Variants in KIAA1328 observed in about 807,000 individuals in gnomAD.
KIAA1328 encodes KIAA1328.
KIAA1328 carries 52 observed loss-of-function variants against 68.1 expected under a neutral mutation model. The observed-to-expected ratio is 0.76, with a 90% CI of 0.61 to 0.96. The LOEUF (loss-of-function observed/expected upper bound fraction) is 0.96. KIAA1328 is among the 40% of genes least tolerant of loss of function. The pLI, the probability that KIAA1328 is intolerant of heterozygous loss-of-function variation, is 0.00. For missense variants in KIAA1328, 641 were observed against 677.6 expected, an observed-to-expected ratio of 0.95 and a Z score of 0.60; for synonymous variants, 232 against 239.4, an observed-to-expected ratio of 0.97 and a Z score of 0.28.
intron 5 of KIAA1328, among the ~76,000 whole-genome samples, chr18:36,899,739 G>A (rs186122333): frequency 4.6e-5 from 7 of 152,044 alleles, no homozygotes; most frequent in Admixed American, 6.6e-5. Flanking sequence ...TAAAGAAATA[G>A]AATAAATTGG....
At chr18:36,981,420 A>C (rs2052682212) in intron 6 of KIAA1328, among the ~76,000 whole-genome samples, 1 of 152,224 alleles carries the variant, frequency 6.6e-6, no homozygotes, top group Non-Finnish European at 1.5e-5. Flanking sequence ...CAAAGTAGGC[A>C]TGCAAAGAAT....
intron 6 of KIAA1328, among the ~76,000 whole-genome samples, chr18:36,992,451 CTTT>C (rs71168252): frequency 7.7e-6 from 1 of 130,098 alleles, no homozygotes; most frequent in South Asian, 2.3e-4. Context: ...TCTTTTCTTT[CTTT>C]TTTTTTTTTT....
chr18:37,121,505 A>G (rs976628233), intron 7 of KIAA1328, among the ~76,000 whole-genome samples: 3 of 152,074 alleles, frequency 2.0e-5, no homozygotes, highest in Admixed American at 6.6e-5. Flanking sequence ...CAAATAACCA[A>G]TTGAGACTCT....
At chr18:37,035,866 TACA>T (rs1213428741) in intron 6 of KIAA1328, among the ~76,000 whole-genome samples, 1 of 152,224 alleles carries the variant, frequency 6.6e-6, no homozygotes, top group East Asian at 1.9e-4. Flanking sequence ...ATTTTATCAA[TACA>T]ACTTCTTCTG....
At chr18:36,924,328 A>G (rs989769785) in intron 5 of KIAA1328, among the ~76,000 whole-genome samples, 6 of 152,170 alleles carry the variant, frequency 3.9e-5, no homozygotes, top group African/African-American at 1.2e-4. Flanking sequence ...AGTTGTCCAG[A>G]TGAGAGTGGT....
intron 5 of KIAA1328, among the ~76,000 whole-genome samples, chr18:36,957,531 TGA>T (rs887452163): frequency 7.2e-5 from 11 of 152,150 alleles, no homozygotes; most frequent in African/African-American, 2.7e-4. Context: ...TTAGGAGTTG[TGA>T]GAGAGGGTAC....
At position 37,067,010 on chromosome 18, in the gene KIAA1328, G is replaced by T. The variant is rs371726161; in HGVS notation, c.697G>T (p.Asp233Tyr). Residue 233 changes from aspartate (D) to tyrosine (Y), a missense_variant, in exon 7 of 10, where the codon GAT (aspartate) becomes TAT (tyrosine). Physicochemically the swap from Asp to Tyr is radical, Grantham distance 160. Transcript: ENST00000280020. ...TKQRPKSAVQ[D>Y]SASESLIAFR... ...GCAAAGACCTAAGTCTGCAGTCCAG[G>T]ATTCAGCTTCAGAATCCCTTATAGC... The T allele has an allele frequency of 6.8e-6, 11 of 1,613,836 alleles. No individual in the cohort carries two copies. Among genetic ancestry groups the T allele is most frequent in the Non-Finnish European group, 9.3e-6 (11 of 1,179,830 alleles).
intron 7 of KIAA1328, among the ~76,000 whole-genome samples, chr18:37,132,400 T>C (rs2058544378): frequency 6.6e-6 from 1 of 152,200 alleles, no homozygotes; most frequent in African/African-American, 2.4e-5. Flanking sequence ...GGTTGCTTTA[T>C]TTAGTAGTCA....
intron 4 of KIAA1328, among the ~76,000 whole-genome samples, chr18:36,847,958 T>C (rs1402762173): frequency 1.3e-5 from 2 of 151,784 alleles, no homozygotes; most frequent in Admixed American, 6.6e-5. Context: ...TCTATCCTTA[T>C]GCCAGCACTG....
chr18:37,200,396 A>G (rs1406576179), intron 9 of KIAA1328, among the ~76,000 whole-genome samples: 2 of 152,192 alleles, frequency 1.3e-5, no homozygotes, highest in African/African-American at 2.4e-5. Flanking sequence ...ATAGCATTTT[A>G]TGGCTTCTTG....
chr18:36,918,707 G>A lies in KIAA1328; in HGVS notation c.448+33035G>A, dbSNP rs1045235403. On this transcript the variant is annotated intron_variant, in intron 5 of 9. Transcript: ENST00000280020. ...TGGGATTACATGCGTGAGCCACTGC[G>A]CCCGGCCTTTCTATATTTTTAATAA... 3.9e-5 allele frequency among the ~76,000 whole-genome samples: 6 copies of A among 152,078 alleles called. 1 individual carries two copies. In the East Asian group the frequency reaches 5.8e-4, roughly 15 times the overall value.
At chr18:37,025,707 G>A (rs1402456424) in intron 6 of KIAA1328, among the ~76,000 whole-genome samples, 1 of 152,126 alleles carries the variant, frequency 6.6e-6, no homozygotes, top group Non-Finnish European at 1.5e-5. Context: ...CAGAATCTCT[G>A]GGACATATTC....
At chr18:36,932,942 A>G (rs2050365213) in intron 5 of KIAA1328, among the ~76,000 whole-genome samples, 1 of 152,210 alleles carries the variant, frequency 6.6e-6, no homozygotes, top group East Asian at 1.9e-4. Flanking sequence ...TAGCGGACAC[A>G]AATACAAAAG....
intron 7 of KIAA1328, among the ~76,000 whole-genome samples, chr18:37,127,235 C>T (rs2058415118): frequency 6.6e-6 from 1 of 152,092 alleles, no homozygotes; most frequent in Non-Finnish European, 1.5e-5. Flanking sequence ...AACTTGAATA[C>T]AAGAATATAC....
At position 37,224,968 on chromosome 18, in the gene KIAA1328, C is replaced by G; in HGVS notation, c.*2741C>G. The G allele has an allele frequency of 3.0e-6, 3 of 985,500 alleles. No individual in the cohort carries two copies. The highest frequency in any genetic ancestry group is 3.6e-6 in the Non-Finnish European group (3 of 829,950). 61.0% of individuals were successfully genotyped at this position (985,500 alleles called of 1,614,324 possible). A position where few individuals can be genotyped will look rare whatever the true frequency, so the allele number is the denominator to read the frequency against. ...TGAATCATAGAAAAGCTTTTGCTAA[C>G]AGTCCGCTTTCCAGGAGGCAAACTT... On this transcript the variant is annotated 3_prime_UTR_variant, in exon 10 of 10. Transcript: ENST00000280020.
At chr18:37,185,475 T>C (rs892013652) in intron 9 of KIAA1328, among the ~76,000 whole-genome samples, 3 of 152,122 alleles carry the variant, frequency 2.0e-5, no homozygotes, top group Admixed American at 6.5e-5. Context: ...TAGAAAAACA[T>C]GACTGTGTAT....
chr18:37,212,886 A>G (rs2060344199), intron 9 of KIAA1328, among the ~76,000 whole-genome samples: 1 of 151,824 alleles, frequency 6.6e-6, no homozygotes, highest in Admixed American at 6.6e-5. Context: ...ACACCCAGCT[A>G]ATTGTATTTT....
In KIAA1328 at chr18:37,222,852, G is replaced by A. The variant is rs913467761; in HGVS notation, c.*625G>A. 2.0e-6 allele frequency: 2 copies of A among 988,362 alleles called. No individual in the cohort carries two copies. The highest frequency in any genetic ancestry group is 1.2e-6 in the Non-Finnish European group (1 of 832,106). The allele number at this position is 988,362 out of a possible 1,614,324, so 61.2% of individuals were successfully genotyped here. On this transcript the variant is annotated 3_prime_UTR_variant, in exon 10 of 10. Coordinates refer to ENST00000280020, the MANE Select transcript of KIAA1328 (RefSeq NM_020776.3). ...AACCAAAGAGCTCAATGGGCTGGAG[G>A]GTGAGACCCAGCCAATCCTTGGGAG... is the stretch of plus-strand genomic sequence containing the variant.
Position 37,207,924 on chromosome 18 carries a change from C to A in KIAA1328, c.1524-14093C>A, listed in dbSNP as rs893721196. ...TCCTGGGTTCAAGCGATTCTCCTGC[C>A]TCAGTCTCCCGAGTAGCTGGGATTA... On this transcript the variant is annotated intron_variant, in intron 9 of 9. Transcript: ENST00000280020. Among the ~76,000 whole-genome samples, 8 of 152,204 alleles carry A rather than the reference C, an allele frequency of 5.3e-5. No individual in the cohort carries two copies. The East Asian group carries it at 1.5e-3, about 29-fold the overall frequency.
Sources: gnomAD v4.1 joint callset for allele counts (sites outside exome capture counted in the v4.1 genomes callset) on GRCh38, gnomAD v4.1.1 for gene constraint, MANE v1.5 for transcripts, NCBI Gene and HGNC (gene_info 2026-07-23, HGNC 2026-07-21) for gene names.